HPSE2: variants seen among roughly 807,000 people sequenced by gnomAD.
The protein encoded by HPSE2 is inactive heparanase-2.
In HPSE2, 38 loss-of-function variants were observed where a neutral mutation model predicts 60.5. That is an observed-to-expected ratio of 0.63 (90% confidence interval 0.48 to 0.82). The LOEUF (loss-of-function observed/expected upper bound fraction) is 0.82. Ranked by LOEUF, HPSE2 falls within the 40% of genes least tolerant of loss-of-function variation. The pLI is 0.00. For synonymous variants in HPSE2, 295 were observed against 293.2 expected (o/e 1.01, Z -0.06); for missense variants, 713 against 740.4 (o/e 0.96, Z 0.43).
intron 4 of HPSE2, among the ~76,000 whole-genome samples, chr10:98,741,396 A>AT (rs1036501528): frequency 1.3e-5 from 2 of 152,084 alleles, no homozygotes; most frequent in Non-Finnish European, 2.9e-5. Context: ...TCTAAATAAC[A>AT]TTTTTTTAAG....
At chr10:98,570,248 T>C (rs1944456708) in intron 9 of HPSE2, among the ~76,000 whole-genome samples, 1 of 152,196 alleles carries the variant, frequency 6.6e-6, no homozygotes, top group Non-Finnish European at 1.5e-5. Context: ...ACCTGCTGTC[T>C]CTGTGCTCAG....
intron 3 of HPSE2, among the ~76,000 whole-genome samples, chr10:98,773,285 T>C (rs1364127415): frequency 6.6e-6 from 1 of 152,220 alleles, no homozygotes; most frequent in Non-Finnish European, 1.5e-5. Context: ...TTTCTCTAAT[T>C]AATACACCAT....
At chr10:98,616,221 C>T (rs1247155298) in intron 8 of HPSE2, among the ~76,000 whole-genome samples, 1 of 152,160 alleles carries the variant, frequency 6.6e-6, no homozygotes, top group African/African-American at 2.4e-5. Context: ...ATCTCTTATT[C>T]ATACCCTCAG....
intron 3 of HPSE2, among the ~76,000 whole-genome samples, chr10:98,757,617 C>T (rs1295099803): frequency 1.3e-5 from 2 of 151,908 alleles, no homozygotes; most frequent in Non-Finnish European, 2.9e-5. Context: ...CCTAGGAAGA[C>T]AGCTAACCAG....
In HPSE2 at chr10:99,205,992, A is replaced by C. The variant is rs1020132892; in HGVS notation, c.448+26356T>G. On this transcript the variant is annotated intron_variant, in intron 2 of 11. Coordinates refer to ENST00000370552, the MANE Select transcript of HPSE2 (RefSeq NM_021828.5). The stretch of plus-strand genomic sequence containing the variant: ...GACTAACATCATGGGACTCATATGA[A>C]GTGTCACTGGTGATGCTGGAAGTGC... Among the ~76,000 whole-genome samples the C allele has an allele frequency of 8.0e-4, 122 of 152,202 alleles. 1 individual carries two copies. Among genetic ancestry groups the C allele is most frequent in the Admixed American group, 8.0e-3 (122 of 15,282 alleles).
At chr10:99,188,971 G>C (rs1435564275) in intron 2 of HPSE2, among the ~76,000 whole-genome samples, 1 of 152,170 alleles carries the variant, frequency 6.6e-6, no homozygotes. Flanking sequence ...TTTAACACAA[G>C]AGACATCTAA....
chr10:98,843,425 A>C (rs1232025350), intron 3 of HPSE2, among the ~76,000 whole-genome samples: 5 of 152,320 alleles, frequency 3.3e-5, no homozygotes, highest in African/African-American at 1.2e-4. Context: ...ATAGAACACA[A>C]TATATTATTG....
At chr10:99,054,018 G>A (rs1958052825) in intron 3 of HPSE2, among the ~76,000 whole-genome samples, 1 of 151,962 alleles carries the variant, frequency 6.6e-6, no homozygotes. Context: ...TTATAGGCGT[G>A]AGCCACTGTG....
the HPSE2 span, among the ~76,000 whole-genome samples, chr10:99,250,206 T>C: frequency 6.6e-6 from 1 of 151,270 alleles, no homozygotes; most frequent in Non-Finnish European, 1.5e-5. Context: ...GCTCCAGCCA[T>C]GTAAGATGTG....
chr10:98,602,717 C>A (rs983508263), intron 9 of HPSE2, among the ~76,000 whole-genome samples: 16 of 152,092 alleles, frequency 1.1e-4, no homozygotes, highest in Non-Finnish European at 1.6e-4. Flanking sequence ...AAAGAATAGT[C>A]TTTTCAACAA....
intron 3 of HPSE2, among the ~76,000 whole-genome samples, chr10:98,955,460 AGATGCTGGT>A (rs1955483104): frequency 2.0e-5 from 3 of 152,210 alleles, no homozygotes; most frequent in African/African-American, 4.8e-5. Context: ...AAGAAACAAC[AGATGCTGGT>A]GAGGCTGTGG....
intron 3 of HPSE2, among the ~76,000 whole-genome samples, chr10:98,968,193 C>T (rs1463202418): frequency 1.3e-5 from 2 of 152,120 alleles, no homozygotes; most frequent in African/African-American, 4.8e-5. Flanking sequence ...ATTTTAAAAA[C>T]ATACGGTACT....
At chr10:99,176,543 T>G (rs1847533107) in intron 2 of HPSE2, among the ~76,000 whole-genome samples, 1 of 151,428 alleles carries the variant, frequency 6.6e-6, no homozygotes, top group Non-Finnish European at 1.5e-5. Flanking sequence ...AGCAACTTAA[T>G]GAAATAAAGT....
the HPSE2 span, among the ~76,000 whole-genome samples, chr10:99,308,779 AC>A: frequency 2.6e-4 from 1 of 3,882 alleles, no homozygotes; most frequent in Admixed American, 8.7e-4. Context: ...ATCCTAGAAA[AC>A]ACAGCATTCC....
intron 9 of HPSE2, among the ~76,000 whole-genome samples, chr10:98,572,313 T>C (rs183724127): frequency 2.2e-4 from 33 of 152,350 alleles, no homozygotes; most frequent in African/African-American, 6.7e-4. Flanking sequence ...ATATTTTCCA[T>C]TAAGGAGAGA....
rs1369205336 is a variant in HPSE2, at chr10:98,482,640, A to G, written c.1609T>C (p.Ser537Pro). 1 of 1,614,008 alleles carries G rather than the reference A, an allele frequency of 6.2e-7. No individual in the cohort carries two copies. The highest frequency in any genetic ancestry group is 1.7e-5 in the Admixed American group (1 of 60,004). ...TATTTTCAGGTTGGCACGTACTTGG[A>G]CTTTAGGCCCTCCTGCCCATAGGGC... is the stretch of plus-strand genomic sequence containing the variant. ...LQPYGQEGLK[S>P]KSVQLNGQPL... Residue 537 changes from serine to proline, a missense_variant, in exon 11 of 12, where the codon TCC (serine) becomes CCC (proline). By Grantham distance (74) the Ser-to-Pro change is moderately conservative (BLOSUM62 -1). Coordinates refer to ENST00000370552, the MANE Select transcript of HPSE2 (RefSeq NM_021828.5).
chr10:99,143,704 G>A (rs1409172007), intron 3 of HPSE2, among the ~76,000 whole-genome samples: 3 of 152,128 alleles, frequency 2.0e-5, no homozygotes, highest in Non-Finnish European at 4.4e-5. Flanking sequence ...TCTCCTTGTA[G>A]CTCTGACACA....
chr10:98,631,655 A>C (rs902560722), intron 7 of HPSE2, among the ~76,000 whole-genome samples: 2 of 152,344 alleles, frequency 1.3e-5, no homozygotes, highest in African/African-American at 4.8e-5. Context: ...ATTTGCTTCC[A>C]GGGCCATTCC....
chr10:99,208,568 C>T (rs1331480751), intron 2 of HPSE2, among the ~76,000 whole-genome samples: 4 of 151,982 alleles, frequency 2.6e-5, no homozygotes, highest in African/African-American at 9.7e-5. Context: ...TGCCTATAGT[C>T]CCAACTATGT....
Sources: gnomAD v4.1 joint callset for allele counts (sites outside exome capture counted in the v4.1 genomes callset) on GRCh38, gnomAD v4.1.1 for gene constraint, MANE v1.5 for transcripts, NCBI Gene and HGNC (gene_info 2026-07-23, HGNC 2026-07-21) for gene names.